The following CNIH3 variants were observed in gnomAD, a reference collection of about 807,000 sequenced individuals.
CNIH3 encodes the protein protein cornichon homolog 3.
In CNIH3, 14 loss-of-function variants were observed where a neutral mutation model predicts 24.1. The ratio of observed to expected loss-of-function variants is 0.58; its 90% CI spans 0.38 to 0.91. The LOEUF is 0.91. CNIH3 is among the 40% of genes least tolerant of loss of function. The pLI, the probability that CNIH3 is intolerant of heterozygous loss-of-function variation, is 0.00. For missense variants in CNIH3, 178 were observed against 196.8 expected (o/e 0.90, Z 0.57); for synonymous variants, 68 against 73.8 (o/e 0.92, Z 0.40).
At chr1:224,652,345 A>G (rs542011231) in intron 1 of CNIH3, among the ~76,000 whole-genome samples, 61 of 152,238 alleles carry the variant, frequency 4.0e-4, no homozygotes, top group African/African-American at 1.0e-3. Flanking sequence ...CAAACAGGCT[A>G]TGGAGTGGTC....
intron 3 of CNIH3, among the ~76,000 whole-genome samples, chr1:224,701,039 A>G (rs1687457937): frequency 6.6e-6 from 1 of 152,202 alleles, no homozygotes; most frequent in East Asian, 1.9e-4. Context: ...AGAGCAGGAC[A>G]GCATTGACCC....
At position 224,703,215 on chromosome 1, in the gene CNIH3, T is replaced by A. The variant is rs1205005484; in HGVS notation, c.198+18372T>A. Among the ~76,000 whole-genome samples, 1 of 152,200 alleles carries A rather than the reference T, an allele frequency of 6.6e-6. No homozygotes were observed. The highest frequency in any genetic ancestry group is 1.5e-5 in the Non-Finnish European group (1 of 68,042). ...TTTGAGGAGCCAGTGACCTAGTGTC[T>A]GTGCATCCCACGTGGGCCTGCACTC... On this transcript the variant is annotated intron_variant, in intron 3 of 5. Transcript: ENST00000272133. This position sits in a 1 kb window ranked among gnomAD's most constrained non-coding sequence, Gnocchi z 4.2.
At chr1:224,479,605 A>C (rs984151644) in intron 1 of CNIH3, among the ~76,000 whole-genome samples, 19 of 152,372 alleles carry the variant, frequency 1.2e-4, no homozygotes, top group Middle Eastern at 3.4e-3. Flanking sequence ...GCATTGGATA[A>C]ATATAGCCAT....
chr1:224,537,132 A>G (rs1436259506), downstream of CNIH3: 3 of 152,250 alleles, frequency 2.0e-5, no homozygotes, highest in Admixed American at 6.5e-5. Flanking sequence ...AAAAAAAACT[A>G]CATATCTCCA....
Position 224,684,141 on chromosome 1 carries a change from A to G in CNIH3, c.151-655A>G, listed in dbSNP as rs1023442829. Among the ~76,000 whole-genome samples, 2 of 152,216 alleles carry G rather than the reference A, an allele frequency of 1.3e-5. No homozygotes were observed. The highest frequency in any genetic ancestry group is 2.9e-5 in the Non-Finnish European group (2 of 68,040). ...AAAGTCACTGAAGGAAAAGGGAGGCAACGGCATTTAGTGCACGATGCGGGC... is the reference window on the plus strand; with the variant it reads ...AAAGTCACTGAAGGAAAAGGGAGGCGACGGCATTTAGTGCACGATGCGGGC... On this transcript the variant is annotated intron_variant, in intron 2 of 5. Coordinates refer to ENST00000272133, the MANE Select transcript of CNIH3 (RefSeq NM_152495.2). This position sits in a 1 kb window ranked among gnomAD's most constrained non-coding sequence, Gnocchi z 4.2.
intron 3 of CNIH3, among the ~76,000 whole-genome samples, chr1:224,555,458 AT>A (rs1558155800): frequency 6.6e-6 from 1 of 152,352 alleles, no homozygotes; most frequent in East Asian, 1.9e-4. Context: ...AATAAAAAAA[AT>A]AAAATGCTAT....
intron 1 of CNIH3, among the ~76,000 whole-genome samples, chr1:224,638,329 T>C (rs1684192842): frequency 6.6e-6 from 1 of 152,206 alleles, no homozygotes; most frequent in African/African-American, 2.4e-5. Flanking sequence ...TTGACAGGGT[T>C]TTGGCCCAGC....
At chr1:224,590,590 A>G (rs1681710651), downstream of CNIH3, among the ~76,000 whole-genome samples, 1 of 152,182 alleles carries the variant, frequency 6.6e-6, no homozygotes, top group Non-Finnish European at 1.5e-5. Context: ...TGGAAGGTCA[A>G]GAGAAAGCAA....
chr1:224,726,785 T>C (rs1272736153), intron 3 of CNIH3, among the ~76,000 whole-genome samples: 1 of 152,124 alleles, frequency 6.6e-6, no homozygotes, highest in Non-Finnish European at 1.5e-5. Context: ...GAAAGCAGGG[T>C]AATAATACAT....
intron 1 of CNIH3, among the ~76,000 whole-genome samples, chr1:224,497,349 T>C (rs947523507): frequency 1.3e-5 from 2 of 152,364 alleles, no homozygotes. Flanking sequence ...ACTGTATACT[T>C]TAACAAATGA....
At chr1:224,720,833 A>G (rs908753829) in intron 3 of CNIH3, among the ~76,000 whole-genome samples, 1 of 152,182 alleles carries the variant, frequency 6.6e-6, no homozygotes, top group Non-Finnish European at 1.5e-5. Context: ...TATAAGAGAT[A>G]GCCCACGTGA....
intron 1 of CNIH3, among the ~76,000 whole-genome samples, chr1:224,472,218 T>A (rs561253916): frequency 6.6e-6 from 1 of 152,314 alleles, no homozygotes; most frequent in South Asian, 2.1e-4. Context: ...TTTCTCTACA[T>A]CCTCACCAGC....
At chr1:224,521,193 A>T (rs1197896930) in exon 2 of CNIH3, 1 of 152,148 alleles carries the variant, frequency 6.6e-6, no homozygotes, top group Non-Finnish European at 1.5e-5. Context: ...GAGCGTTATA[A>T]ATTCACCCAT....
chr1:224,693,627 A>T (rs934925875), intron 3 of CNIH3, among the ~76,000 whole-genome samples: 13 of 152,192 alleles, frequency 8.5e-5, no homozygotes, highest in Non-Finnish European at 1.6e-4. Context: ...GCAAGAGAAG[A>T]AGTGGAAATG....
intron 3 of CNIH3, among the ~76,000 whole-genome samples, chr1:224,550,621 A>G (rs1242275514): frequency 2.6e-5 from 4 of 152,212 alleles, no homozygotes; most frequent in Admixed American, 2.0e-4. Context: ...AACGTTATAG[A>G]ACTATCAAAG....
intron 3 of CNIH3, among the ~76,000 whole-genome samples, chr1:224,610,380 G>A (rs998272867): frequency 6.6e-6 from 1 of 152,192 alleles, no homozygotes; most frequent in African/African-American, 2.4e-5. Context: ...GGATCACGGG[G>A]GTGGTTTCCC....
At chr1:224,453,860 G>A (rs1675533146) in intron 1 of CNIH3, among the ~76,000 whole-genome samples, 1 of 152,234 alleles carries the variant, frequency 6.6e-6, no homozygotes, top group South Asian at 2.1e-4. Context: ...GTGAAACAAA[G>A]AGAAGAAATG....
intron 3 of CNIH3, among the ~76,000 whole-genome samples, chr1:224,603,569 A>G (rs922457171): frequency 2.6e-5 from 4 of 152,150 alleles, no homozygotes; most frequent in Non-Finnish European, 5.9e-5. Flanking sequence ...GTCTCCCACA[A>G]AGCTTTTAAC....
At chr1:224,726,945 C>T (rs912351206) in intron 3 of CNIH3, among the ~76,000 whole-genome samples, 9 of 151,774 alleles carry the variant, frequency 5.9e-5, no homozygotes, top group Admixed American at 2.6e-4. Context: ...CTGTGGTGAG[C>T]GCTTGCATCA....
Sources: allele counts gnomAD v4.1 joint callset (sites outside exome capture counted in the v4.1 genomes callset), GRCh38; gene constraint gnomAD v4.1.1; non-coding constraint Gnocchi (gnomAD v3.1); transcripts MANE v1.5; gene names NCBI Gene and HGNC (gene_info 2026-07-23, HGNC 2026-07-21).